Variants in ZNF529 observed in about 807,000 individuals in gnomAD.
The protein encoded by ZNF529 is zinc finger protein 529.
A neutral mutation model predicts 10.1 loss-of-function variants in ZNF529; 11 were observed. That is an observed-to-expected ratio of 1.09 (90% confidence interval 0.69 to 1.81). ZNF529 has a LOEUF of 1.81. Ranked by LOEUF, ZNF529 falls within the 40% of genes most tolerant of loss-of-function variation. ZNF529 has a pLI of 0.00. For synonymous variants in ZNF529, 204 were observed against 215.7 expected (o/e 0.95, Z 0.47); for missense variants, 624 against 666.8 (o/e 0.94, Z 0.71).
chr19:36,545,662 G>A lies in ZNF529; in HGVS notation c.*1204C>T, dbSNP rs905344433. The A allele has an allele frequency of 4.6e-5, 7 of 152,066 alleles. No homozygotes were observed. The highest frequency in any genetic ancestry group is 1.7e-4 in the African/African-American group (7 of 41,398). The allele number at this position is 152,066 out of a possible 1,614,324, so 9.4% of individuals were successfully genotyped here. On this transcript the variant is annotated 3_prime_UTR_variant, in exon 5 of 5. Transcript: ENST00000591340. ...AACCAAAGAAGGTCTGCTGATTGTT[G>A]AAATGCCCAAACCTAGTAAGTCAAC...
chr19:36,556,084 A>G lies in ZNF529; in HGVS notation c.108+20T>C, dbSNP rs1389890533. 6.5e-7 allele frequency: 1 copy of G among 1,549,064 alleles called. No homozygotes were observed. Among genetic ancestry groups the G allele is most frequent in the Non-Finnish European group, 8.7e-7 (1 of 1,145,880 alleles). ...CAGAAAAAGGAAATATCACAAAGAA[A>G]AGAGAAGTAGTTAACTTACATGGTC... On this transcript the variant is annotated intron_variant, in intron 3 of 4. Transcript: ENST00000591340.
chr19:36,569,956 A>C (rs929991742), intron 2 of ZNF529, among the ~76,000 whole-genome samples: 1 of 152,150 alleles, frequency 6.6e-6, no homozygotes, highest in Non-Finnish European at 1.5e-5. Context: ...TTTTGTTAAC[A>C]ATGTGGTTTA....
chr19:36,572,733 T>G (rs181104917), intron 1 of ZNF529, among the ~76,000 whole-genome samples: 1 of 151,060 alleles, frequency 6.6e-6, no homozygotes, highest in Non-Finnish European at 1.5e-5. Context: ...TATCTATCTA[T>G]CTATCTATCT....
intron 1 of ZNF529, among the ~76,000 whole-genome samples, chr19:36,591,016 T>C (rs2036697015): frequency 6.6e-6 from 1 of 151,526 alleles, no homozygotes; most frequent in Non-Finnish European, 1.5e-5. Flanking sequence ...AAAGAACTTA[T>C]CACTAAGGAG....
intron 4 of ZNF529, among the ~76,000 whole-genome samples, chr19:36,550,085 G>A (rs957718023): frequency 2.0e-5 from 3 of 152,180 alleles, no homozygotes; most frequent in African/African-American, 7.2e-5. Flanking sequence ...AAAACTCAGA[G>A]CAACACATAA....
chr19:36,563,788 A>G (rs2145827895), intron 2 of ZNF529, among the ~76,000 whole-genome samples: 1 of 152,336 alleles, frequency 6.6e-6, no homozygotes, highest in East Asian at 1.9e-4. Context: ...TAAAATTCAC[A>G]TGGAACCAAA....
chr19:36,556,123 G>A lies in ZNF529; in HGVS notation c.89C>T (p.Thr30Ile). The A allele has an allele frequency of 1.9e-6, 3 of 1,550,676 alleles. No individual in the cohort carries two copies. The highest frequency in any genetic ancestry group is 2.6e-6 in the Non-Finnish European group (3 of 1,146,068). ...ACTTACATGGTCCATGGTTAGAACTGTAAAGAATTGGTCAGGGAATTCCAC... is the reference window on the plus strand; with the variant it reads ...ACTTACATGGTCCATGGTTAGAACTATAAAGAATTGGTCAGGGAATTCCAC... ...PEVEFPDQFF[T>I]VLTMDHELVT... The change falls in exon 3 of 5, where the codon ACA becomes ATA. Residue 30 changes from threonine (T) to isoleucine (I), a missense_variant. Thr to Ile is a moderately conservative substitution (Grantham distance 89, BLOSUM62 -1). Transcript: ENST00000591340.
Position 36,554,650 on chromosome 19 carries a change from T to C in ZNF529, c.235+20A>G. Reference sequence around the variant, plus strand: ...AGTCTAGAGAGTATATTCTAAGTTATTTAAGGCAGATAAATTTACCCAGTG... The same window carrying C: ...AGTCTAGAGAGTATATTCTAAGTTACTTAAGGCAGATAAATTTACCCAGTG... On this transcript the variant is annotated intron_variant, in intron 4 of 4. Coordinates refer to ENST00000591340, the MANE Select transcript of ZNF529 (RefSeq NM_020951.5). The C allele has an allele frequency of 4.6e-6, 7 of 1,531,012 alleles. No homozygotes were observed. The highest frequency in any genetic ancestry group is 6.2e-6 in the Non-Finnish European group (7 of 1,135,250). 94.8% of individuals were successfully genotyped at this position (1,531,012 alleles called of 1,614,324 possible). A position where few individuals can be genotyped will look rare whatever the true frequency, so the allele number is the denominator to read the frequency against.
chr19:36,565,538 TAAAAATACA>T (rs1173581820), intron 2 of ZNF529, among the ~76,000 whole-genome samples: 1 of 152,008 alleles, frequency 6.6e-6, no homozygotes, highest in Non-Finnish European at 1.5e-5. Context: ...CCATCTCTAC[TAAAAATACA>T]AAAATTAGCT....
Position 36,599,476 on chromosome 19 carries a change from A to G in ZNF529, c.-128+5650T>C, listed in dbSNP as rs540032288. ...TGATTTGAATTTCTTTTTCAAGCTA[A>G]GAGTAGAGAGGTCTTCTCTCATTCA... On this transcript the variant is annotated intron_variant, in intron 1 of 4. Coordinates refer to the ZNF529 transcript ENST00000585960. 2.2e-4 allele frequency among the ~76,000 whole-genome samples: 33 copies of G among 152,346 alleles called. No homozygotes were observed. In the South Asian group the frequency reaches 6.4e-3, roughly 30 times the overall value.
chr19:36,581,279 C>T (rs1005514379), intron 2 of ZNF529: 3 of 152,078 alleles, frequency 2.0e-5, no homozygotes, highest in African/African-American at 4.8e-5. Flanking sequence ...AATTAAATAA[C>T]ACACTTCTAG....
intron 1 of ZNF529, among the ~76,000 whole-genome samples, chr19:36,590,139 C>T (rs1466605583): frequency 2.0e-5 from 3 of 152,044 alleles, no homozygotes; most frequent in Admixed American, 6.6e-5. Flanking sequence ...GAGGCCAAGG[C>T]GGGTGGATCG....
At chr19:36,572,088 T>C (rs1600314026) in intron 2 of ZNF529, among the ~76,000 whole-genome samples, 1 of 149,074 alleles carries the variant, frequency 6.7e-6, no homozygotes. Context: ...ACAAATTACA[T>C]TCTAAAAAAA....
intron 2 of ZNF529, among the ~76,000 whole-genome samples, chr19:36,579,008 G>A (rs1431676966): frequency 6.6e-6 from 1 of 151,446 alleles, no homozygotes; most frequent in East Asian, 2.0e-4. Context: ...TCAGGAGTTC[G>A]AGACCAGCCT....
intron 1 of ZNF529, chr19:36,594,763 C>T (rs527333073): frequency 6.6e-6 from 1 of 152,186 alleles, no homozygotes; most frequent in Non-Finnish European, 1.5e-5. Context: ...CCTGATCACA[C>T]CACACACACA....
chr19:36,559,850 T>C (rs2035615505), intron 2 of ZNF529, among the ~76,000 whole-genome samples: 1 of 152,166 alleles, frequency 6.6e-6, no homozygotes, highest in Non-Finnish European at 1.5e-5. Context: ...TGAAAAGACA[T>C]TTCCAGATAA....
chr19:36,584,819 T>G (rs1386364663), intron 2 of ZNF529, among the ~76,000 whole-genome samples: 2 of 152,096 alleles, frequency 1.3e-5, no homozygotes, highest in African/African-American at 4.8e-5. Context: ...GTCTTTTTTA[T>G]TGCTCAAGAA....
chr19:36,574,341 C>T (rs1300173751), upstream of ZNF529, among the ~76,000 whole-genome samples: 1 of 152,138 alleles, frequency 6.6e-6, no homozygotes, highest in Non-Finnish European at 1.5e-5. Context: ...AGGAATGTCT[C>T]CAGGTAGCAC....
chr19:36,596,245 T>C (rs2036838869), intron 1 of ZNF529, among the ~76,000 whole-genome samples: 1 of 151,484 alleles, frequency 6.6e-6, no homozygotes. Context: ...GGCTAATTTT[T>C]ATATTTTTAG....
Sources: allele counts gnomAD v4.1 joint callset (sites outside exome capture counted in the v4.1 genomes callset), GRCh38; gene constraint gnomAD v4.1.1; transcripts MANE v1.5; gene names NCBI Gene and HGNC (gene_info 2026-07-23, HGNC 2026-07-21).